PALS2: variants seen among roughly 807,000 people sequenced by gnomAD.
PALS2 encodes protein PALS2.
A neutral mutation model predicts 61.6 loss-of-function variants in PALS2; 27 were observed. The ratio of observed to expected loss-of-function variants is 0.44; its 90% CI spans 0.32 to 0.60. The LOEUF is 0.60. PALS2 is among the 20% of genes least tolerant of loss of function. The pLI, the probability that PALS2 is intolerant of heterozygous loss-of-function variation, is 0.05. For synonymous variants in PALS2, 236 were observed against 218.6 expected, an observed-to-expected ratio of 1.08 and a Z score of -0.70; for missense variants, 554 against 639.4, an observed-to-expected ratio of 0.87 and a Z score of 1.44.
At chr7:24,649,905 G>A (rs1402408851) in intron 4 of PALS2, 141 bp downstream of exon 4, 3 of 743,748 alleles carry the variant, frequency 4.0e-6, no homozygotes, top group Non-Finnish European at 5.7e-6. Flanking sequence ...TAAAGACACA[G>A]CTGATGCTTT....
At chr7:24,644,910 T>C (rs1785752672) in intron 3 of PALS2, among the ~76,000 whole-genome samples, 2 of 152,180 alleles carry the variant, frequency 1.3e-5, no homozygotes, top group African/African-American at 4.8e-5. Flanking sequence ...ATATTGAGCT[T>C]TTTTTCATAT....
chr7:24,633,109 C>T (rs377161169), intron 2 of PALS2, among the ~76,000 whole-genome samples: 1 of 151,960 alleles, frequency 6.6e-6, no homozygotes, highest in Admixed American at 6.5e-5. Flanking sequence ...TCTATTAAAT[C>T]AATTAGGAAT....
intron 1 of PALS2, among the ~76,000 whole-genome samples, chr7:24,616,769 G>C (rs1337085502): frequency 2.0e-5 from 3 of 152,092 alleles, no homozygotes; most frequent in African/African-American, 7.2e-5. Context: ...TATTTTTGTG[G>C]ATGAGTGGTT....
chr7:24,641,641 G>T, intron 2 of PALS2, 75 bp from the exon 3 acceptor site: 1 of 1,308,730 alleles, frequency 7.6e-7, no homozygotes, highest in South Asian at 1.5e-5. Flanking sequence ...AAAACTTTAC[G>T]AAAAAGAAAT....
intron 2 of PALS2, among the ~76,000 whole-genome samples, chr7:24,638,044 G>T (rs1179577917): frequency 6.6e-6 from 1 of 151,782 alleles, no homozygotes; most frequent in Non-Finnish European, 1.5e-5. Context: ...TGTTTCCTTT[G>T]TCTTTTTTAG....
chr7:24,593,980 A>G (rs1783401357), intron 1 of PALS2, among the ~76,000 whole-genome samples: 1 of 152,112 alleles, frequency 6.6e-6, no homozygotes, highest in Non-Finnish European at 1.5e-5. Flanking sequence ...TATGTGGCTA[A>G]TAAAAGGCTA....
intron 1 of PALS2, among the ~76,000 whole-genome samples, chr7:24,585,143 T>C (rs940059043): frequency 1.3e-5 from 2 of 152,176 alleles, no homozygotes; most frequent in African/African-American, 2.4e-5. Context: ...CTTGGCAATG[T>C]GGGCTCTTTT....
chr7:24,594,570 A>G (rs1783427466), intron 1 of PALS2, among the ~76,000 whole-genome samples: 1 of 152,096 alleles, frequency 6.6e-6, no homozygotes, highest in South Asian at 2.1e-4. Flanking sequence ...CCTCATTTCA[A>G]TATCGTTATG....
In PALS2 at chr7:24,693,082, C is replaced by T. The variant is rs115266670; in HGVS notation, c.*5468C>T. The T allele has an allele frequency of 1.6e-3, 240 of 152,036 alleles. 1 individual carries two copies. Among genetic ancestry groups the T allele is most frequent in the African/African-American group, 5.6e-3 (231 of 41,494 alleles). 9.4% of individuals were successfully genotyped at this position (152,036 alleles called of 1,614,324 possible). The stretch of plus-strand genomic sequence containing the variant: ...GGGATAGTTCTCTTCCTTTTTTTCC[C>T]CTCCTACTGGCTCTTACTGTTTTCT... On this transcript the variant is annotated 3_prime_UTR_variant, in exon 12 of 12. Coordinates refer to ENST00000222644, the MANE Select transcript of PALS2 (RefSeq NM_001303037.2).
At chr7:24,684,287 A>T (rs968910556) in intron 11 of PALS2, among the ~76,000 whole-genome samples, 6 of 152,190 alleles carry the variant, frequency 3.9e-5, no homozygotes, top group Non-Finnish European at 5.9e-5. Context: ...TTTAGTAGAG[A>T]TGGCGTTTCA....
chr7:24,676,747 G>A (rs976247459), intron 9 of PALS2, among the ~76,000 whole-genome samples: 2 of 150,988 alleles, frequency 1.3e-5, no homozygotes, highest in African/African-American at 5.0e-5. Context: ...CTCTGTTTTG[G>A]TACCAGTCCC....
rs968170031 is a variant in PALS2 at position 24,694,152 on chromosome 7, A to T, written c.*6538A>T. On this transcript the variant is annotated 3_prime_UTR_variant, in exon 12 of 12. Coordinates refer to ENST00000222644, the MANE Select transcript of PALS2 (RefSeq NM_001303037.2). ...TATTATTAGTTTCTGTATAAAAGAA[A>T]CATTATTGCTGTTGTATAAATAAAA... 4.6e-5 allele frequency: 7 copies of T among 152,210 alleles called. No individual in the cohort carries two copies. Among genetic ancestry groups the T allele is most frequent in the Admixed American group, 2.0e-4 (3 of 15,280 alleles). 9.4% of individuals were successfully genotyped at this position (152,210 alleles called of 1,614,324 possible). A position where few individuals can be genotyped will look rare whatever the true frequency, so the allele number is the denominator to read the frequency against.
In PALS2 at chr7:24,618,699, C is replaced by A. The variant is rs1287320472; in HGVS notation, c.-2-4967C>A. Among the ~76,000 whole-genome samples, 1 of 152,166 alleles carries A rather than the reference C, an allele frequency of 6.6e-6. No homozygotes were observed. The highest frequency in any genetic ancestry group is 2.1e-4 in the South Asian group (1 of 4,820). ...CTCCCCTACCAAGCCTCCGCTCCCA[C>A]AAGGAGAAGTCCCTTCTGACTCTGG... On this transcript the variant is annotated intron_variant, in intron 1 of 11. Coordinates refer to ENST00000222644, the MANE Select transcript of PALS2 (RefSeq NM_001303037.2). This position sits in a 1 kb window ranked among gnomAD's most constrained non-coding sequence, Gnocchi z 5.1.
rs576233032 is a variant in PALS2 at position 24,595,100 on chromosome 7, C to T, written c.-3+21507C>T. ...AGGTGAGAGATGATGAGAGAGTGAACTAAGGCAGTGACAGTGGAGATAGAG... is the reference window on the plus strand; with the variant it reads ...AGGTGAGAGATGATGAGAGAGTGAATTAAGGCAGTGACAGTGGAGATAGAG... On this transcript the variant is annotated intron_variant, in intron 1 of 11. Coordinates refer to ENST00000222644, the MANE Select transcript of PALS2 (RefSeq NM_001303037.2). Among the ~76,000 whole-genome samples, 11 of 151,932 alleles carry T rather than the reference C, an allele frequency of 7.2e-5. No homozygotes were observed. The East Asian group carries it at 1.7e-3, about 24-fold the overall frequency.
At chr7:24,617,241 A>G (rs545597354) in intron 1 of PALS2, among the ~76,000 whole-genome samples, 1 of 151,942 alleles carries the variant, frequency 6.6e-6, no homozygotes, top group Non-Finnish European at 1.5e-5. Flanking sequence ...CTGTTTTCTA[A>G]TATCTCTCTC....
At chr7:24,670,355 A>T (rs1787234555) in intron 9 of PALS2, among the ~76,000 whole-genome samples, 2 of 148,694 alleles carry the variant, frequency 1.3e-5, no homozygotes, top group Non-Finnish European at 3.0e-5. Context: ...TTTCCTGGAG[A>T]CCTCTGTCTC....
chr7:24,603,916 T>C (rs1426488487), intron 1 of PALS2, among the ~76,000 whole-genome samples: 1 of 152,008 alleles, frequency 6.6e-6, no homozygotes, highest in Admixed American at 6.6e-5. Context: ...CTGCTAGACA[T>C]GGCAAAGAAA....
chr7:24,596,069 G>A lies in PALS2; in HGVS notation c.-3+22476G>A, dbSNP rs77412661. Among the ~76,000 whole-genome samples the A allele has an allele frequency of 0.039, 5,927 of 152,194 alleles. 155 individuals are homozygous for A. The highest frequency in any genetic ancestry group is 0.058 in the Non-Finnish European group (3,935 of 67,996). On this transcript the variant is annotated intron_variant, in intron 1 of 11. Transcript: ENST00000222644. The surrounding 1 kb of genome is among the most constrained non-coding windows in gnomAD (Gnocchi z 4.5). Reference sequence around the variant, plus strand: ...GCGCTAAGCGGCCATGGTCAAGAGTGTGGCTAGTTTTCTAAGTACAGTGGG... The same window carrying A: ...GCGCTAAGCGGCCATGGTCAAGAGTATGGCTAGTTTTCTAAGTACAGTGGG...
At chr7:24,655,999 G>A (rs967200051) in intron 5 of PALS2, among the ~76,000 whole-genome samples, 3 of 151,966 alleles carry the variant, frequency 2.0e-5, no homozygotes, top group Non-Finnish European at 4.4e-5. Flanking sequence ...TGTATTTAAC[G>A]AAGTAGACCA....
Sources: gnomAD v4.1 joint callset for allele counts (sites outside exome capture counted in the v4.1 genomes callset) on GRCh38, gnomAD v4.1.1 for gene constraint, Gnocchi (gnomAD v3.1) non-coding constraint, MANE v1.5 for transcripts, NCBI Gene and HGNC (gene_info 2026-07-23, HGNC 2026-07-21) for gene names.